TTC21B: variants seen among roughly 807,000 people sequenced by gnomAD.
TTC21B encodes tetratricopeptide repeat domain 21B, also known as tetratricopeptide repeat protein 21B.
In TTC21B, 127 loss-of-function variants were observed where a neutral mutation model predicts 175.1. The observed-to-expected ratio is 0.73, with a 90% CI of 0.63 to 0.84. The LOEUF (loss-of-function observed/expected upper bound fraction) is 0.84. Ranked by LOEUF, TTC21B falls within the 40% of genes least tolerant of loss-of-function variation. TTC21B has a pLI of 0.00. For synonymous variants in TTC21B, 524 were observed against 524.5 expected (o/e 1.00, Z 0.01); for missense variants, 1,561 against 1,558.3 (o/e 1.00, Z -0.03).
In TTC21B at chr2:165,919,313, G is replaced by T. The variant is rs140323384; in HGVS notation, c.1637C>A (p.Ser546Tyr). 6.2e-7 allele frequency: 1 copy of T among 1,613,948 alleles called. No individual in the cohort carries two copies. The highest frequency in any genetic ancestry group is 1.1e-5 in the South Asian group (1 of 91,066). Residue 546 changes from serine to tyrosine, a missense_variant, in exon 13 of 29, where the codon TCT (serine) becomes TAT (tyrosine). Physicochemically the swap from Ser to Tyr is moderately radical, Grantham distance 144 (BLOSUM62 -2). Coordinates refer to ENST00000243344, the MANE Select transcript of TTC21B (RefSeq NM_024753.5). ...YLSQEKVKLC[S>Y]QSLELCLSYD... Reference sequence around the variant, plus strand: ...GCTCAGACAAAGTTCAAGAGACTGAGAACACAATTTGACTTTTTCTTGAGA... The same window carrying T: ...GCTCAGACAAAGTTCAAGAGACTGATAACACAATTTGACTTTTTCTTGAGA...
chr2:165,888,222 G>A (rs779113946), intron 25 of TTC21B, 57 bp downstream of exon 25: 174 of 1,312,292 alleles, frequency 1.3e-4, no homozygotes, highest in Admixed American at 5.1e-4. Context: ...CAAAATATAT[G>A]TTTCTATACT....
chr2:165,878,125 T>A (rs952670901), intron 27 of TTC21B, among the ~76,000 whole-genome samples: 2 of 152,198 alleles, frequency 1.3e-5, no homozygotes, highest in Admixed American at 6.5e-5. Flanking sequence ...AAAATACTTG[T>A]GAAATGGTTT....
Position 165,890,659 on chromosome 2 carries a change from GA to G in TTC21B, c.3102-20del, listed in dbSNP as rs1685157412. On this transcript the variant is annotated intron_variant, in intron 23 of 28. Transcript: ENST00000243344. ...AGTGTACCTTGTTAGATGTTTAAAA[GA>G]ATTATTTATTTCAATCACTGACTAC... 1.9e-6 allele frequency: 3 copies of G among 1,610,968 alleles called. No individual in the cohort carries two copies. In the South Asian group the frequency reaches 3.3e-5, roughly 18 times the overall value.
chr2:165,907,928 G>C, intron 18 of TTC21B, 144 bp from the exon 19 acceptor site: 1 of 585,282 alleles, frequency 1.7e-6, no homozygotes, highest in Admixed American at 3.1e-5. Flanking sequence ...TCAGTTGCCT[G>C]AAGAATGGCC....
intron 7 of TTC21B, among the ~76,000 whole-genome samples, chr2:165,932,119 C>T (rs951956874): frequency 6.6e-6 from 1 of 152,072 alleles, no homozygotes; most frequent in Admixed American, 6.6e-5. Context: ...CGAAGACACC[C>T]ATAATATTCC....
intron 16 of TTC21B, 89 bp downstream of exon 16, chr2:165,913,485 T>C: frequency 1.2e-6 from 1 of 855,600 alleles, no homozygotes; most frequent in Non-Finnish European, 1.9e-6. Context: ...TATTAAACAT[T>C]ATTTTAAAAA....
intron 28 of TTC21B, 49 bp downstream of exon 28, chr2:165,876,116 G>T: frequency 9.2e-7 from 1 of 1,092,512 alleles, no homozygotes; most frequent in South Asian, 1.2e-5. Context: ...AAAAAAGTAG[G>T]AAATTGTGCA....
At position 165,919,211 on chromosome 2, in the gene TTC21B, T is replaced by A. The variant is rs1012136766; in HGVS notation, c.1674+65A>T. 1.6e-5 allele frequency: 26 copies of A among 1,578,080 alleles called. No individual in the cohort carries two copies. In the Admixed American group the frequency reaches 3.8e-4, roughly 23 times the overall value. On this transcript the variant is annotated intron_variant, in intron 13 of 28. Coordinates refer to ENST00000243344, the MANE Select transcript of TTC21B (RefSeq NM_024753.5). ...AAATACTACAGGCTAAAACACAAAA[T>A]ACTTGAATATGTAAGCTTTCAAGGA...
intron 25 of TTC21B, among the ~76,000 whole-genome samples, chr2:165,884,822 T>C (rs1053491307): frequency 5.3e-5 from 8 of 152,200 alleles, no homozygotes; most frequent in African/African-American, 1.9e-4. Flanking sequence ...CTGATTAAGG[T>C]AGGATGCTTC....
chr2:165,911,595 C>A, intron 17 of TTC21B, 130 bp from the exon 18 acceptor site: 1 of 980,246 alleles, frequency 1.0e-6, no homozygotes, highest in East Asian at 2.6e-5. Flanking sequence ...TAGGCATACA[C>A]CTGCCTGTCA....
At chr2:165,927,804 T>C (rs1192218728) in intron 11 of TTC21B, among the ~76,000 whole-genome samples, 2 of 152,120 alleles carry the variant, frequency 1.3e-5, no homozygotes, top group South Asian at 2.1e-4. Context: ...AAAAAGGACA[T>C]GATAATCAAA....
intron 6 of TTC21B, among the ~76,000 whole-genome samples, chr2:165,934,500 CAA>C (rs369089707): frequency 5.6e-5 from 4 of 71,906 alleles, no homozygotes; most frequent in Admixed American, 5.6e-4. Flanking sequence ...GACTCTGTCT[CAA>C]AAAAAAAAAA....
intron 14 of TTC21B, 81 bp from the exon 15 acceptor site, chr2:165,915,520 AGAAT>A (rs1686136565): frequency 9.3e-7 from 1 of 1,071,802 alleles, no homozygotes; most frequent in South Asian, 1.3e-5. Context: ...CTCATAACGC[AGAAT>A]GAATAAATGC....
intron 20 of TTC21B, among the ~76,000 whole-genome samples, chr2:165,901,035 G>C (rs571884983): frequency 6.6e-6 from 1 of 151,722 alleles, no homozygotes; most frequent in Admixed American, 6.6e-5. Flanking sequence ...CCAAGGAGCT[G>C]GGACTACAGG....
chr2:165,941,670 A>T (rs1687374052), intron 5 of TTC21B, among the ~76,000 whole-genome samples: 1 of 152,140 alleles, frequency 6.6e-6, no homozygotes, highest in Non-Finnish European at 1.5e-5. Flanking sequence ...TCTATGAATT[A>T]TCTGAAGGAA....
chr2:165,918,225 G>C (rs1238488581), intron 13 of TTC21B, among the ~76,000 whole-genome samples: 1 of 152,136 alleles, frequency 6.6e-6, no homozygotes, highest in African/African-American at 2.4e-5. Flanking sequence ...AGTAAAGGTG[G>C]GGCACCAGCA....
intron 15 of TTC21B, among the ~76,000 whole-genome samples, chr2:165,913,929 C>T (rs995455690): frequency 6.6e-6 from 1 of 152,108 alleles, no homozygotes; most frequent in Non-Finnish European, 1.5e-5. Context: ...TTTGGACCTA[C>T]ACATTTTGCT....
At chr2:165,893,774 G>A (rs942794423) in intron 22 of TTC21B, among the ~76,000 whole-genome samples, 5 of 151,968 alleles carry the variant, frequency 3.3e-5, no homozygotes, top group African/African-American at 1.2e-4. Flanking sequence ...TCAAGGATAG[G>A]AGGAAGATCT....
rs1466920048 is a variant in TTC21B at position 165,914,655 on chromosome 2, A to ATGTGTG, written c.2138+545_2138+546insCACACA. Reference sequence around the variant, plus strand: ...CTGTTTGGGGAGAAGAGGAAGAGCAATCTGTGTGTGTGTGTGTGTGTGTGT... The same window carrying ATGTGTG: ...CTGTTTGGGGAGAAGAGGAAGAGCAATGTGTGTCTGTGTGTGTGTGTGTGTGTGTGT... On this transcript the variant is annotated intron_variant, in intron 15 of 28. Transcript: ENST00000243344. Among the ~76,000 whole-genome samples the ATGTGTG allele has an allele frequency of 2.0e-3, 149 of 75,686 alleles. 10 individuals carry two copies. Among genetic ancestry groups the ATGTGTG allele is most frequent in the Middle Eastern group, 0.014 (2 of 146 alleles). 49.7% of individuals were successfully genotyped at this position (75,686 alleles called of 152,430 possible).
Sources: allele counts gnomAD v4.1 joint callset (sites outside exome capture counted in the v4.1 genomes callset), GRCh38; gene constraint gnomAD v4.1.1; transcripts MANE v1.5; gene names NCBI Gene and HGNC (gene_info 2026-07-23, HGNC 2026-07-21).